Variants in UTS2 observed in about 807,000 individuals in gnomAD.
UTS2 encodes urotensin-2.
In UTS2, 10 loss-of-function variants were observed where a neutral mutation model predicts 12.6. The ratio of observed to expected loss-of-function variants is 0.80; its 90% confidence interval spans 0.49 to 1.35. UTS2 has a LOEUF of 1.35. UTS2 is among the 40% of genes most tolerant of loss of function. UTS2 has a pLI of 0.00. For synonymous variants in UTS2, 52 were observed against 50.0 expected, an observed-to-expected ratio of 1.04 and a Z score of -0.17; for missense variants, 142 against 143.2, an observed-to-expected ratio of 0.99 and a Z score of 0.04.
the UTS2 span, among the ~76,000 whole-genome samples, chr1:7,895,991 G>A: frequency 6.6e-6 from 1 of 152,130 alleles, no homozygotes; most frequent in Non-Finnish European, 1.5e-5. Flanking sequence ...CAGTACTTGA[G>A]ATAAATGACA....
At chr1:7,890,728 C>CA in the UTS2 span, among the ~76,000 whole-genome samples, 68,162 of 107,416 alleles carry the variant, frequency 0.63, 21,208 homozygotes, top group African/African-American at 0.68. Flanking sequence ...CCCATCTCCA[C>CA]AAAAAAAAAA....
the UTS2 span, among the ~76,000 whole-genome samples, chr1:7,869,958 A>G: frequency 6.6e-6 from 1 of 152,198 alleles, no homozygotes; most frequent in Non-Finnish European, 1.5e-5. Context: ...GTTAAATGGA[A>G]ATGAAAAACT....
chr1:7,879,205 A>T, the UTS2 span, among the ~76,000 whole-genome samples: 3 of 152,234 alleles, frequency 2.0e-5, no homozygotes, highest in Non-Finnish European at 2.9e-5. Flanking sequence ...GCTGCAGAAT[A>T]CACACTCATT....
chr1:7,885,972 G>A, the UTS2 span, among the ~76,000 whole-genome samples: 3 of 150,904 alleles, frequency 2.0e-5, no homozygotes, highest in African/African-American at 7.3e-5. Context: ...TGGGGCCCCA[G>A]TTTCTTGCTC....
At chr1:7,859,897 G>A in the UTS2 span, among the ~76,000 whole-genome samples, 1 of 152,166 alleles carries the variant, frequency 6.6e-6, no homozygotes, top group Non-Finnish European at 1.5e-5. Context: ...TACTTAGGAG[G>A]CTGAGGAGAG....
chr1:7,887,798 G>A, the UTS2 span, among the ~76,000 whole-genome samples: 2 of 151,080 alleles, frequency 1.3e-5, no homozygotes, highest in South Asian at 4.2e-4. Context: ...TTTTTTTAAT[G>A]CAGCGATAAA....
chr1:7,851,879 T>G (rs1558505576), intron 1 of UTS2, among the ~76,000 whole-genome samples: 1 of 152,256 alleles, frequency 6.6e-6, no homozygotes, highest in Non-Finnish European at 1.5e-5. Context: ...TTTCTTAAAT[T>G]ACTTGTAAAA....
chr1:7,885,776 T>G, the UTS2 span, among the ~76,000 whole-genome samples: 1 of 150,888 alleles, frequency 6.6e-6, no homozygotes, highest in Non-Finnish European at 1.5e-5. Context: ...CGTGGTCAAG[T>G]CTGGGCGGGA....
At chr1:7,866,528 A>C in the UTS2 span, among the ~76,000 whole-genome samples, 1 of 152,046 alleles carries the variant, frequency 6.6e-6, no homozygotes, top group African/African-American at 2.4e-5. The surrounding 1 kb of genome is among the most constrained non-coding windows in gnomAD (Gnocchi z 4.5). Context: ...ACCCACACCC[A>C]TCCTAGGCCC....
the UTS2 span, among the ~76,000 whole-genome samples, chr1:7,894,464 G>A: frequency 2.0e-5 from 3 of 152,018 alleles, no homozygotes; most frequent in Admixed American, 6.6e-5. Flanking sequence ...ATGAACCACC[G>A]TGCCCGACCT....
chr1:7,884,112 A>T, the UTS2 span, among the ~76,000 whole-genome samples: 1 of 152,162 alleles, frequency 6.6e-6, no homozygotes, highest in East Asian at 1.9e-4. Context: ...TTATTGCAAT[A>T]TTCACTTTAT....
the UTS2 span, among the ~76,000 whole-genome samples, chr1:7,876,906 T>A: frequency 2.6e-5 from 4 of 151,308 alleles, no homozygotes; most frequent in East Asian, 5.8e-4. Flanking sequence ...CCGAGGCAGG[T>A]GGATTGCGAG....
intron 2 of UTS2, among the ~76,000 whole-genome samples, chr1:7,850,516 G>A (rs557034758): frequency 2.0e-5 from 3 of 152,222 alleles, no homozygotes; most frequent in Admixed American, 6.5e-5. Flanking sequence ...GGGAAACTAG[G>A]ATTTTAAATT....
upstream of UTS2, chr1:7,853,508 G>A: frequency 1.9e-6 from 3 of 1,539,302 alleles, no homozygotes; most frequent in South Asian, 1.3e-5. Context: ...ATGACAATCT[G>A]TGGATTAAAA....
At position 7,847,911 on chromosome 1, in the gene UTS2, C is replaced by CA. The variant is rs531416825; in HGVS notation, c.259-30dup. On this transcript the variant is annotated intron_variant, in intron 3 of 3. Coordinates refer to ENST00000361696, the MANE Select transcript of UTS2 (RefSeq NM_006786.4). The stretch of plus-strand genomic sequence containing the variant: ...AAACAATCCAAACGAACAACAACAA[C>CA]AAAAAAAAACAGATAAGTTACCAAC... 2,276 of 1,382,752 alleles carry CA rather than the reference C, an allele frequency of 1.6e-3. 2 individuals are homozygous for CA. Among genetic ancestry groups the CA allele is most frequent in the South Asian group, 2.2e-3 (169 of 78,022 alleles). 85.7% of individuals were successfully genotyped at this position (1,382,752 alleles called of 1,614,324 possible).
the UTS2 span, among the ~76,000 whole-genome samples, chr1:7,877,968 C>T: frequency 6.6e-6 from 1 of 152,218 alleles, no homozygotes; most frequent in South Asian, 2.1e-4. Context: ...ATAGCTTCAA[C>T]CCAAAAAGAT....
intron 2 of UTS2, 65 bp from the exon 3 acceptor site, chr1:7,849,748 T>C (rs922313147): frequency 1.4e-6 from 2 of 1,386,742 alleles, no homozygotes; most frequent in African/African-American, 2.9e-5. Flanking sequence ...TGTTTTAAAA[T>C]ATACAAAATA....
the UTS2 span, among the ~76,000 whole-genome samples, chr1:7,903,612 A>T: frequency 3.3e-5 from 5 of 151,478 alleles, no homozygotes; most frequent in Non-Finnish European, 7.4e-5. Flanking sequence ...CTGGTCTCGA[A>T]CTCCTGGACT....
the UTS2 span, among the ~76,000 whole-genome samples, chr1:7,905,028 G>A: frequency 1.3e-5 from 2 of 151,868 alleles, no homozygotes; most frequent in East Asian, 1.9e-4. Flanking sequence ...ATACCTCTGC[G>A]ATGGTTAATT....
Sources: allele counts gnomAD v4.1 joint callset (sites outside exome capture counted in the v4.1 genomes callset), GRCh38; gene constraint gnomAD v4.1.1; non-coding constraint Gnocchi (gnomAD v3.1); transcripts MANE v1.5; gene names NCBI Gene and HGNC (gene_info 2026-07-23, HGNC 2026-07-21).